Variants in XKR6 observed in about 807,000 individuals in gnomAD.
XKR6 encodes XK-related protein 6.
A neutral mutation model predicts 56.7 loss-of-function variants in XKR6; 22 were observed. That is an observed-to-expected ratio of 0.39 (90% CI 0.28 to 0.55). The LOEUF is 0.55. Among genes scored for constraint, XKR6 ranks in the 20% least tolerant of loss-of-function variants. The probability of loss-of-function intolerance (pLI) is 0.66; values close to 1 mark genes in which losing one functional copy is unlikely to be tolerated. For missense variants in XKR6, 852 were observed against 889.0 expected, an observed-to-expected ratio of 0.96 and a Z score of 0.53; for synonymous variants, 524 against 387.8, an observed-to-expected ratio of 1.35 and a Z score of -4.13.
intron 1 of XKR6, among the ~76,000 whole-genome samples, chr8:10,968,234 G>A (rs1280935418): frequency 2.0e-5 from 3 of 152,164 alleles, no homozygotes; most frequent in Non-Finnish European, 4.4e-5. Context: ...GTTCCCCTCC[G>A]TCCTCCGTCA....
intron 1 of XKR6, among the ~76,000 whole-genome samples, chr8:11,085,353 GT>G (rs1022268084): frequency 5.3e-5 from 8 of 152,188 alleles, no homozygotes; most frequent in Non-Finnish European, 7.3e-5. Flanking sequence ...ATGGGGTGCG[GT>G]TGCTGCTCTC....
At chr8:11,098,202 G>C (rs983213319) in intron 1 of XKR6, among the ~76,000 whole-genome samples, 1 of 150,624 alleles carries the variant, frequency 6.6e-6, no homozygotes, top group African/African-American at 2.5e-5. Flanking sequence ...AGATCCCCAG[G>C]TGACTCTCTC....
At chr8:11,101,422 G>C (rs1798477461) in intron 1 of XKR6, among the ~76,000 whole-genome samples, 1 of 152,208 alleles carries the variant, frequency 6.6e-6, no homozygotes, top group Non-Finnish European at 1.5e-5. Flanking sequence ...ATTAGCAGCA[G>C]TGACCTAGTG....
intron 1 of XKR6, among the ~76,000 whole-genome samples, chr8:11,078,416 C>A (rs1800329918): frequency 6.6e-6 from 1 of 152,176 alleles, no homozygotes; most frequent in South Asian, 2.1e-4. Flanking sequence ...TGCTGGGATC[C>A]ACCAGGTACC....
At chr8:11,127,267 G>C (rs1199493872) in intron 1 of XKR6, among the ~76,000 whole-genome samples, 1 of 152,182 alleles carries the variant, frequency 6.6e-6, no homozygotes, top group Non-Finnish European at 1.5e-5. Flanking sequence ...TTGAGTTCAA[G>C]GCCAAGCTCT....
At chr8:10,924,938 C>G (rs982421264) in intron 1 of XKR6, 108 bp from the exon 2 acceptor site, 11 of 1,204,606 alleles carry the variant, frequency 9.1e-6, no homozygotes, top group Admixed American at 2.4e-5. Flanking sequence ...CCCCAACTCC[C>G]TATGCTCTGA....
rs1325125438 is a variant in XKR6 at position 11,047,719 on chromosome 8, C to G, written c.765-122889G>C. Among the ~76,000 whole-genome samples, 3 of 152,070 alleles carry G rather than the reference C, an allele frequency of 2.0e-5. No individual in the cohort carries two copies. The South Asian group carries it at 6.2e-4, about 32-fold the overall frequency. ...GATAGTGGTGATGGTTGCACAACAGCGCGAGTGTACTTAATGCCACCAAAC... is the reference window on the plus strand; with the variant it reads ...GATAGTGGTGATGGTTGCACAACAGGGCGAGTGTACTTAATGCCACCAAAC... On this transcript the variant is annotated intron_variant, in intron 1 of 2. Transcript: ENST00000416569.
intron 1 of XKR6, among the ~76,000 whole-genome samples, chr8:11,156,531 GT>G (rs1309009977): frequency 2.0e-5 from 3 of 152,150 alleles, no homozygotes; most frequent in African/African-American, 7.2e-5. Context: ...GTATCTTAAT[GT>G]TTTTGGAGAA....
At chr8:11,137,243 G>C (rs922034816) in intron 1 of XKR6, 1 of 243,292 alleles carries the variant, frequency 4.1e-6, no homozygotes, top group African/African-American at 2.3e-5. Context: ...GAGGAAAGCG[G>C]GAGACAGGAA....
intron 1 of XKR6, among the ~76,000 whole-genome samples, chr8:11,082,349 T>A (rs1797753427): frequency 6.6e-6 from 1 of 152,318 alleles, no homozygotes; most frequent in South Asian, 2.1e-4. Context: ...GAGCAAGAGT[T>A]GGTCAATTTT....
At chr8:10,970,544 A>G (rs1321416768) in intron 1 of XKR6, among the ~76,000 whole-genome samples, 3 of 152,098 alleles carry the variant, frequency 2.0e-5, no homozygotes, top group African/African-American at 7.2e-5. Context: ...CCCCAGCCTC[A>G]TTGAGATGTC....
At chr8:11,187,207 C>T (rs1436296436) in intron 1 of XKR6, among the ~76,000 whole-genome samples, 1 of 152,186 alleles carries the variant, frequency 6.6e-6, no homozygotes, top group Non-Finnish European at 1.5e-5. Context: ...TATAGCATCC[C>T]ACCCTATGGC....
intron 1 of XKR6, among the ~76,000 whole-genome samples, chr8:11,060,884 A>G (rs1466979418): frequency 2.0e-5 from 3 of 152,226 alleles, no homozygotes; most frequent in African/African-American, 4.8e-5. Flanking sequence ...ACCTCTTTTG[A>G]TCCTGATACA....
intron 1 of XKR6, among the ~76,000 whole-genome samples, chr8:11,182,524 A>G (rs1304731045): frequency 6.6e-6 from 1 of 152,248 alleles, no homozygotes; most frequent in Non-Finnish European, 1.5e-5. Context: ...GACACTGATA[A>G]GAGGCATATC....
Position 10,998,877 on chromosome 8 carries a change from T to C in XKR6, c.765-74047A>G, listed in dbSNP as rs4266611. ...ATGGCAGCAAGGGAGAAGAAAATTA[T>C]GCAGCCCAATATACCCAGGATGGAA... On this transcript the variant is annotated intron_variant, in intron 1 of 2. Coordinates refer to ENST00000416569, the MANE Select transcript of XKR6 (RefSeq NM_173683.4). 1.3e-4 allele frequency among the ~76,000 whole-genome samples: 20 copies of C among 152,236 alleles called. No homozygotes were observed. In the East Asian group the frequency reaches 2.5e-3, roughly 19 times the overall value.
At chr8:11,180,550 C>T (rs1234455871) in intron 1 of XKR6, among the ~76,000 whole-genome samples, 1 of 152,176 alleles carries the variant, frequency 6.6e-6, no homozygotes, top group Non-Finnish European at 1.5e-5. Context: ...AAGGAAACAG[C>T]ATGTGCAACA....
At chr8:11,176,396 G>A (rs1802656564) in intron 1 of XKR6, among the ~76,000 whole-genome samples, 1 of 152,100 alleles carries the variant, frequency 6.6e-6, no homozygotes, top group Non-Finnish European at 1.5e-5. Context: ...CGTGTACTAT[G>A]TCAAAAATAA....
chr8:10,969,210 C>G (rs1359133594), intron 1 of XKR6, among the ~76,000 whole-genome samples: 1 of 152,190 alleles, frequency 6.6e-6, no homozygotes, highest in Non-Finnish European at 1.5e-5. Context: ...GTGCTCTTAG[C>G]TGCCACTTTG....
intron 1 of XKR6, among the ~76,000 whole-genome samples, chr8:11,183,519 C>T (rs1803108488): frequency 6.6e-6 from 1 of 151,764 alleles, no homozygotes; most frequent in Non-Finnish European, 1.5e-5. Flanking sequence ...TAGGGTCCCA[C>T]CATGCTGGGC....
Sources: allele counts gnomAD v4.1 joint callset (sites outside exome capture counted in the v4.1 genomes callset), GRCh38; gene constraint gnomAD v4.1.1; transcripts MANE v1.5; gene names NCBI Gene and HGNC (gene_info 2026-07-23, HGNC 2026-07-21).